TMEM255B: variants seen among roughly 807,000 people sequenced by gnomAD.
TMEM255B encodes family with sequence similarity 70, member B.
TMEM255B carries 35 observed loss-of-function variants against 34.5 expected under a neutral mutation model. The ratio of observed to expected loss-of-function variants is 1.01; its 90% confidence interval spans 0.77 to 1.34. The LOEUF (loss-of-function observed/expected upper bound fraction) is 1.34, where lower values mean the gene tolerates loss of function less well. Ranked by LOEUF, TMEM255B falls within the 40% of genes most tolerant of loss-of-function variation. TMEM255B has a pLI of 0.00. For synonymous variants in TMEM255B, 206 were observed against 201.2 expected, an observed-to-expected ratio of 1.02 and a Z score of -0.20; for missense variants, 432 against 433.2, an observed-to-expected ratio of 1.00 and a Z score of 0.02.
Position 113,804,956 on chromosome 13 carries a change from C to A in TMEM255B, c.741C>A (p.Ile247=). Residue 247 remains isoleucine (I), a synonymous_variant, in exon 8 of 9, where the codon ATC becomes ATA. Coordinates refer to ENST00000375353, the MANE Select transcript of TMEM255B (RefSeq NM_182614.4). ...CCCTCTACAACCCCGCCCAGCAGATCCTGGCCTACGCAGGCTTCCGCCTGA... is the reference window on the plus strand; with the variant it reads ...CCCTCTACAACCCCGCCCAGCAGATACTGGCCTACGCAGGCTTCCGCCTGA... ...PQTLYNPAQQ[I]LAYAGFRLTP... 6.2e-7 allele frequency: 1 copy of A among 1,606,804 alleles called. No homozygotes were observed. Among genetic ancestry groups the A allele is most frequent in the Non-Finnish European group, 8.5e-7 (1 of 1,179,832 alleles).
rs762669276 is a variant in TMEM255B, at chr13:113,806,493, C to T, written c.813+1465C>T. ...CTCACTTCGAATATAAAGCTGGGGC[C>T]CTGCTCCCTGGGAACACAAGGCCCC... On this transcript the variant is annotated intron_variant, in intron 8 of 8. Coordinates refer to ENST00000375353, the MANE Select transcript of TMEM255B (RefSeq NM_182614.4). This position sits in a 1 kb window ranked among gnomAD's most constrained non-coding sequence, Gnocchi z 4.2. 9.2e-5 allele frequency among the ~76,000 whole-genome samples: 14 copies of T among 152,202 alleles called. No individual in the cohort carries two copies. The highest frequency in any genetic ancestry group is 2.1e-4 in the Non-Finnish European group (14 of 68,006).
chr13:113,766,492 CA>C (rs1457593883), intron 2 of TMEM255B: 16 of 644,942 alleles, frequency 2.5e-5, no homozygotes, highest in Non-Finnish European at 4.2e-5. Flanking sequence ...AAGTTGATCT[CA>C]AAATAGGGCC....
Position 113,814,315 on chromosome 13 carries a change from C to T in TMEM255B, c.*2412C>T, listed in dbSNP as rs558078776. Reference sequence around the variant, plus strand: ...CCTTCCCCTCATGTCAGCCCTCGGTCGCAGGGTGCGGTGTGGGGGCATCAG... The same window carrying T: ...CCTTCCCCTCATGTCAGCCCTCGGTTGCAGGGTGCGGTGTGGGGGCATCAG... On this transcript the variant is annotated 3_prime_UTR_variant, in exon 9 of 9. Coordinates refer to ENST00000375353, the MANE Select transcript of TMEM255B (RefSeq NM_182614.4). 3.3e-5 allele frequency: 5 copies of T among 152,278 alleles called. No homozygotes were observed. The highest frequency in any genetic ancestry group is 5.9e-5 in the Non-Finnish European group (4 of 68,068). 9.4% of individuals were successfully genotyped at this position (152,278 alleles called of 1,614,324 possible).
intron 2 of TMEM255B, chr13:113,768,264 C>T (rs748037444): frequency 9.2e-5 from 43 of 468,302 alleles, no homozygotes; most frequent in South Asian, 5.3e-4. Flanking sequence ...GCCAGATTTT[C>T]GGTGGGTGTT....
intron 3 of TMEM255B, among the ~76,000 whole-genome samples, chr13:113,786,198 A>G (rs896414761): frequency 6.6e-6 from 1 of 151,970 alleles, no homozygotes; most frequent in African/African-American, 2.4e-5. Context: ...CGCTGTCACC[A>G]TTGTCACCAT....
At chr13:113,798,779 A>C (rs1265776903) in intron 4 of TMEM255B, among the ~76,000 whole-genome samples, 2 of 152,060 alleles carry the variant, frequency 1.3e-5, no homozygotes, top group Non-Finnish European at 2.9e-5. Flanking sequence ...GGATGAATGG[A>C]AGGATGGATG....
chr13:113,792,733 T>G (rs2138559647), intron 3 of TMEM255B, among the ~76,000 whole-genome samples: 1 of 152,368 alleles, frequency 6.6e-6, no homozygotes, highest in Non-Finnish European at 1.5e-5. Context: ...AGAGGAGATT[T>G]TTAAATTGCC....
At chr13:113,772,526 G>A (rs1395019558) in intron 3 of TMEM255B, among the ~76,000 whole-genome samples, 1 of 152,150 alleles carries the variant, frequency 6.6e-6, no homozygotes, top group Non-Finnish European at 1.5e-5. Context: ...GTATGAGGTA[G>A]GAGTTATTAT....
chr13:113,775,079 ACAC>A (rs1566724818), intron 3 of TMEM255B, among the ~76,000 whole-genome samples: 3 of 150,882 alleles, frequency 2.0e-5, no homozygotes, highest in Admixed American at 2.0e-4. Flanking sequence ...CACTCCACAC[ACAC>A]CACATACACC....
At chr13:113,765,124 A>G (rs190434716) in intron 1 of TMEM255B, among the ~76,000 whole-genome samples, 50 of 152,298 alleles carry the variant, frequency 3.3e-4, no homozygotes, top group African/African-American at 1.0e-3. Flanking sequence ...TGCAAGGGTC[A>G]AGAGGCAGGC....
rs1429535718 is a variant in TMEM255B, at chr13:113,813,366, C to G, written c.*1463C>G. 6.6e-6 allele frequency: 1 copy of G among 152,188 alleles called. No individual in the cohort carries two copies. Among genetic ancestry groups the G allele is most frequent in the African/African-American group, 2.4e-5 (1 of 41,432 alleles). The allele number at this position is 152,188 out of a possible 1,614,324, so 9.4% of individuals were successfully genotyped here. The stretch of plus-strand genomic sequence containing the variant: ...CCCCGTGCCTACGATAAACAAGTAC[C>G]GCTCTTCTCCCGTGTGGGTCTGAGG... On this transcript the variant is annotated 3_prime_UTR_variant, in exon 9 of 9. Coordinates refer to ENST00000375353, the MANE Select transcript of TMEM255B (RefSeq NM_182614.4).
chr13:113,773,969 A>C (rs2050517362), intron 3 of TMEM255B, among the ~76,000 whole-genome samples: 2 of 152,336 alleles, frequency 1.3e-5, no homozygotes, highest in South Asian at 2.1e-4. Flanking sequence ...GTGTATTTCC[A>C]GTGCTTCCAG....
chr13:113,765,715 G>T (rs982515270), intron 1 of TMEM255B, among the ~76,000 whole-genome samples: 1 of 152,352 alleles, frequency 6.6e-6, no homozygotes, highest in South Asian at 2.1e-4. Context: ...GGCTGGGATA[G>T]GCGGATAGAG....
At chr13:113,787,752 T>A (rs976561548) in intron 3 of TMEM255B, among the ~76,000 whole-genome samples, 9 of 151,736 alleles carry the variant, frequency 5.9e-5, no homozygotes, top group Admixed American at 5.2e-4. Flanking sequence ...GAGCCGTGAA[T>A]GTGTCAAATG....
chr13:113,780,203 A>T (rs764025571), intron 3 of TMEM255B, among the ~76,000 whole-genome samples: 1 of 152,220 alleles, frequency 6.6e-6, no homozygotes, highest in South Asian at 2.1e-4. Context: ...GTGTACACAG[A>T]ATAGGAGGCC....
intron 8 of TMEM255B, among the ~76,000 whole-genome samples, chr13:113,808,800 G>GGGC (rs1555302365): frequency 1.8e-5 from 2 of 113,052 alleles, no homozygotes; most frequent in South Asian, 3.0e-4. Context: ...CCTGGGGGGG[G>GGGC]GGTTACTCCA....
intron 7 of TMEM255B, among the ~76,000 whole-genome samples, chr13:113,802,041 C>T (rs955183534): frequency 5.9e-5 from 9 of 152,242 alleles, no homozygotes; most frequent in Non-Finnish European, 1.2e-4. Context: ...CTTGCCTCCC[C>T]GCTGAGGTGG....
At chr13:113,776,080 C>T (rs1046242341) in intron 3 of TMEM255B, among the ~76,000 whole-genome samples, 2 of 152,214 alleles carry the variant, frequency 1.3e-5, no homozygotes, top group Admixed American at 6.5e-5. Flanking sequence ...ATGCAAACGC[C>T]TCAGGCCACA....
chr13:113,795,087 T>C, intron 3 of TMEM255B, 61 bp from the exon 4 acceptor site: 1 of 1,517,750 alleles, frequency 6.6e-7, no homozygotes, highest in Non-Finnish European at 9.1e-7. Context: ...TTTGAATTGG[T>C]TTGCGTTTGA....
Sources: allele counts gnomAD v4.1 joint callset (sites outside exome capture counted in the v4.1 genomes callset), GRCh38; gene constraint gnomAD v4.1.1; non-coding constraint Gnocchi (gnomAD v3.1); transcripts MANE v1.5; gene names NCBI Gene and HGNC (gene_info 2026-07-23, HGNC 2026-07-21).